The following LRP1B variants were observed in gnomAD, a reference collection of about 807,000 sequenced individuals.
LRP1B encodes low-density lipoprotein receptor-related protein 1B.
Under a neutral mutation model 556.6 loss-of-function variants are expected in LRP1B, and 217 were observed. The ratio of observed to expected loss-of-function variants is 0.39; its 90% confidence interval spans 0.35 to 0.44. The LOEUF is 0.44. Ranked by LOEUF, LRP1B falls within the 20% of genes least tolerant of loss-of-function variation. LRP1B has a pLI of 1.00. For synonymous variants in LRP1B, 2,047 were observed against 1,865.8 expected (o/e 1.10, Z -2.50); for missense variants, 5,053 against 5,620.8 (o/e 0.90, Z 3.23).
chr2:141,985,105 C>T (rs1702148281), intron 1 of LRP1B, among the ~76,000 whole-genome samples: 2 of 152,042 alleles, frequency 1.3e-5, no homozygotes, highest in South Asian at 4.1e-4. Flanking sequence ...GCCCAGAATA[C>T]AATTCAAGTC....
chr2:141,216,378 C>T (rs752557102), intron 6 of LRP1B, among the ~76,000 whole-genome samples: 8 of 152,206 alleles, frequency 5.3e-5, no homozygotes, highest in South Asian at 2.1e-4. Context: ...TATGGGAAAG[C>T]GTGGTTGCCC....
At chr2:141,025,786 A>T (rs1698201648) in intron 11 of LRP1B, among the ~76,000 whole-genome samples, 1 of 152,034 alleles carries the variant, frequency 6.6e-6, no homozygotes, top group South Asian at 2.1e-4. Context: ...GAGAATCCTA[A>T]CTAGTACACA....
Position 140,285,108 on chromosome 2 carries a change from T to G in LRP1B, c.12968-10510A>C, listed in dbSNP as rs1552439. Among the ~76,000 whole-genome samples the G allele has an allele frequency of 9.2e-4, 138 of 150,348 alleles. 4 individuals are homozygous for G. The East Asian group carries it at 0.025, about 27-fold the overall frequency. On this transcript the variant is annotated intron_variant, in intron 84 of 90. Transcript: ENST00000389484. ...ATCCCTATATCTCTCTCTCTATATA[T>G]ATATGTGTGTGTATATATATGTGTG... is the stretch of plus-strand genomic sequence containing the variant.
At chr2:140,650,719 A>G (rs1684654221) in intron 41 of LRP1B, among the ~76,000 whole-genome samples, 1 of 152,146 alleles carries the variant, frequency 6.6e-6, no homozygotes, top group African/African-American at 2.4e-5. Flanking sequence ...GAAAATCCCT[A>G]GTGAAGTGTC....
intron 1 of LRP1B, among the ~76,000 whole-genome samples, chr2:141,923,532 T>C (rs1700254805): frequency 1.4e-5 from 2 of 147,034 alleles, no homozygotes; most frequent in African/African-American, 2.5e-5. Context: ...AGAAAGTAAG[T>C]ATATGTCTGT....
At chr2:140,975,351 T>C (rs1369318526) in intron 18 of LRP1B, among the ~76,000 whole-genome samples, 1 of 152,174 alleles carries the variant, frequency 6.6e-6, no homozygotes, top group African/African-American at 2.4e-5. Context: ...CAGAAGCCTC[T>C]CAATAGAGTT....
At chr2:142,095,412 T>C (rs1183062837) in intron 1 of LRP1B, among the ~76,000 whole-genome samples, 1 of 151,886 alleles carries the variant, frequency 6.6e-6, no homozygotes, top group East Asian at 1.9e-4. Context: ...AATCATTAAG[T>C]ACTTAAAATA....
intron 2 of LRP1B, among the ~76,000 whole-genome samples, chr2:141,606,359 TG>T (rs1420355993): frequency 6.6e-6 from 1 of 152,198 alleles, no homozygotes; most frequent in Non-Finnish European, 1.5e-5. Flanking sequence ...AAAGCTTTGT[TG>T]GGATAGTAAA....
chr2:141,330,034 T>C (rs572993937), intron 3 of LRP1B, among the ~76,000 whole-genome samples: 2 of 152,204 alleles, frequency 1.3e-5, no homozygotes, highest in African/African-American at 4.8e-5. Context: ...GTGAGGTTAT[T>C]CTCTATTTTG....
chr2:142,000,587 A>G (rs2105135235), intron 1 of LRP1B, among the ~76,000 whole-genome samples: 1 of 152,310 alleles, frequency 6.6e-6, no homozygotes, highest in South Asian at 2.1e-4. Context: ...CAAAGCTAAT[A>G]CAGGGAGAAG....
chr2:140,895,198 G>GA (rs1261545138), intron 23 of LRP1B, among the ~76,000 whole-genome samples: 2 of 151,460 alleles, frequency 1.3e-5, no homozygotes, highest in African/African-American at 2.4e-5. Flanking sequence ...GCCTAATAAT[G>GA]AAAAAAATAG....
At chr2:141,858,791 C>T (rs140994518) in intron 1 of LRP1B, among the ~76,000 whole-genome samples, 1 of 152,186 alleles carries the variant, frequency 6.6e-6, no homozygotes, top group East Asian at 1.9e-4. Flanking sequence ...CTGTTATCTA[C>T]GTTTGTGGAT....
intron 43 of LRP1B, among the ~76,000 whole-genome samples, chr2:140,552,294 GTTA>G (rs1050828485): frequency 7.2e-5 from 11 of 151,976 alleles, no homozygotes; most frequent in Admixed American, 1.3e-4. Flanking sequence ...AATAAAAACA[GTTA>G]TTATGGATAT....
intron 2 of LRP1B, among the ~76,000 whole-genome samples, chr2:141,779,419 C>CTTTTT (rs34529015): frequency 7.6e-6 from 1 of 130,824 alleles, no homozygotes. Flanking sequence ...AAAATAAAAA[C>CTTTTT]TTTTTTTTTT....
chr2:141,076,354 A>G (rs897833641), intron 7 of LRP1B, among the ~76,000 whole-genome samples: 9 of 152,160 alleles, frequency 5.9e-5, no homozygotes, highest in Non-Finnish European at 1.5e-5. Context: ...CAGGTATGCC[A>G]GCAATTATAT....
At chr2:140,287,008 CTGTT>C (rs1441177539) in intron 84 of LRP1B, among the ~76,000 whole-genome samples, 16 of 151,600 alleles carry the variant, frequency 1.1e-4, no homozygotes, top group Admixed American at 3.3e-4. Context: ...TTATAGAATA[CTGTT>C]TGTTAGTTCA....
rs142658139 is a variant in LRP1B, at chr2:142,129,429, T to A, written c.82+1219A>T. Among the ~76,000 whole-genome samples, 47 of 152,346 alleles carry A rather than the reference T, an allele frequency of 3.1e-4. No homozygotes were observed. The East Asian group carries it at 9.1e-3, about 29-fold the overall frequency. On this transcript the variant is annotated intron_variant, in intron 1 of 90. Coordinates refer to ENST00000389484, the MANE Select transcript of LRP1B (RefSeq NM_018557.3). ...ATCTGGCTGCCAACAGCAGGTTGAA[T>A]AGAAACACTGCAGTTCATTCCCCTG...
intron 7 of LRP1B, among the ~76,000 whole-genome samples, chr2:141,167,673 C>A (rs1476769766): frequency 3.3e-5 from 5 of 151,726 alleles, no homozygotes; most frequent in Admixed American, 2.0e-4. Context: ...GTTAATTCAT[C>A]TTTACTTTTT....
At chr2:141,216,446 C>T (rs909155767) in intron 6 of LRP1B, among the ~76,000 whole-genome samples, 12 of 152,184 alleles carry the variant, frequency 7.9e-5, no homozygotes, top group African/African-American at 2.7e-4. Context: ...TAGGTAAGTG[C>T]AGAGGGGAAA....
Sources: gnomAD v4.1 joint callset for allele counts (sites outside exome capture counted in the v4.1 genomes callset) on GRCh38, gnomAD v4.1.1 for gene constraint, MANE v1.5 for transcripts, NCBI Gene and HGNC (gene_info 2026-07-23, HGNC 2026-07-21) for gene names.